The following TENM2 variants were observed in gnomAD, a reference collection of about 807,000 sequenced individuals.
The protein encoded by TENM2 is teneurin-2.
TENM2 carries 52 observed loss-of-function variants against 245.2 expected under a neutral mutation model. The observed-to-expected ratio is 0.21, with a 90% CI of 0.17 to 0.27. The LOEUF is 0.27. Ranked by LOEUF, TENM2 falls within the 10% of genes least tolerant of loss-of-function variation. The pLI, the probability that TENM2 is intolerant of heterozygous loss-of-function variation, is 1.00. For missense variants in TENM2, 3,046 were observed against 3,666.8 expected, an observed-to-expected ratio of 0.83 and a Z score of 4.37; for synonymous variants, 1,363 against 1,438.9, an observed-to-expected ratio of 0.95 and a Z score of 1.19.
chr5:167,729,720 T>C (rs1435409318), intron 2 of TENM2, among the ~76,000 whole-genome samples: 1 of 152,240 alleles, frequency 6.6e-6, no homozygotes, highest in Non-Finnish European at 1.5e-5. Context: ...TTTAGATCTG[T>C]TGGATTTTCT....
At chr5:167,629,554 T>G (rs1778730648) in intron 2 of TENM2, among the ~76,000 whole-genome samples, 1 of 152,126 alleles carries the variant, frequency 6.6e-6, no homozygotes, top group East Asian at 1.9e-4. Context: ...TCATAGAAAA[T>G]CCAGGACTGA....
the TENM2 span, among the ~76,000 whole-genome samples, chr5:167,049,120 A>G: frequency 7.9e-4 from 121 of 152,322 alleles, 1 homozygote; most frequent in African/African-American, 2.8e-3. Context: ...CTTTTAAGCT[A>G]TAGGGCTATC....
At chr5:168,070,815 G>GAA (rs1363624182) in intron 7 of TENM2, among the ~76,000 whole-genome samples, 1 of 131,818 alleles carries the variant, frequency 7.6e-6, no homozygotes, top group African/African-American at 2.8e-5. Context: ...GAGAGAGAGA[G>GAA]AGAGAAAAAA....
chr5:167,860,423 G>T (rs1771670527), intron 2 of TENM2, among the ~76,000 whole-genome samples: 1 of 120,538 alleles, frequency 8.3e-6, no homozygotes. Context: ...GGTGGGGGGG[G>T]GTCAGCCCCC....
intron 2 of TENM2, among the ~76,000 whole-genome samples, chr5:167,504,620 G>C (rs929948136): frequency 2.6e-5 from 4 of 152,198 alleles, no homozygotes; most frequent in African/African-American, 9.6e-5. Context: ...AGACCAGGAA[G>C]AGCTGTGTGG....
At chr5:167,917,685 G>C (rs1254338626) in intron 3 of TENM2, among the ~76,000 whole-genome samples, 2 of 152,142 alleles carry the variant, frequency 1.3e-5, no homozygotes, top group African/African-American at 2.4e-5. Context: ...CCCTGTAACT[G>C]ACACAGTTCT....
intron 3 of TENM2, among the ~76,000 whole-genome samples, chr5:167,924,564 A>T (rs1449902150): frequency 6.6e-6 from 1 of 152,322 alleles, no homozygotes; most frequent in South Asian, 2.1e-4. Context: ...TGAAGAACGC[A>T]TTCATCAAAA....
intron 2 of TENM2, among the ~76,000 whole-genome samples, chr5:167,559,209 C>T (rs1210307778): frequency 6.6e-6 from 1 of 152,316 alleles, no homozygotes; most frequent in African/African-American, 2.4e-5. Flanking sequence ...TTCTCAGCGT[C>T]TCAGCCTTTG....
chr5:167,438,384 G>A (rs1265572951), intron 2 of TENM2, among the ~76,000 whole-genome samples: 1 of 152,146 alleles, frequency 6.6e-6, no homozygotes, highest in East Asian at 1.9e-4. Flanking sequence ...ACAAAATGGT[G>A]TTCTTCTAGG....
chr5:167,030,858 C>G, the TENM2 span, among the ~76,000 whole-genome samples: 7 of 152,158 alleles, frequency 4.6e-5, no homozygotes. Flanking sequence ...ACCTCTTCCT[C>G]CCTCTCACTT....
intron 27 of TENM2, among the ~76,000 whole-genome samples, chr5:168,256,714 C>G (rs1197548958): frequency 6.6e-6 from 1 of 152,170 alleles, no homozygotes; most frequent in East Asian, 1.9e-4. Context: ...CATGAGCCAC[C>G]TCGCCCGGCC....
At chr5:167,329,799 C>G (rs960057139) in intron 1 of TENM2, among the ~76,000 whole-genome samples, 3 of 152,088 alleles carry the variant, frequency 2.0e-5, no homozygotes, top group Non-Finnish European at 2.9e-5. Context: ...ATTATGAGTT[C>G]TTGCTTATAG....
the TENM2 span, among the ~76,000 whole-genome samples, chr5:167,207,612 C>T: frequency 6.6e-6 from 1 of 152,164 alleles, no homozygotes; most frequent in African/African-American, 2.4e-5. Flanking sequence ...GTTTAGAGTC[C>T]TCTCTGTTCC....
chr5:168,146,866 G>C (rs1756131441), intron 12 of TENM2, among the ~76,000 whole-genome samples: 1 of 152,242 alleles, frequency 6.6e-6, no homozygotes, highest in African/African-American at 2.4e-5. Flanking sequence ...TTTGCCCCCA[G>C]GTAGTTGCAA....
At chr5:167,595,829 T>C (rs1776165730) in intron 2 of TENM2, among the ~76,000 whole-genome samples, 1 of 152,304 alleles carries the variant, frequency 6.6e-6, no homozygotes, top group South Asian at 2.1e-4. Flanking sequence ...AGAACAGCCT[T>C]GTGTAAAGCT....
At chr5:167,528,390 T>C (rs1373431639) in intron 2 of TENM2, among the ~76,000 whole-genome samples, 4 of 152,124 alleles carry the variant, frequency 2.6e-5, no homozygotes, top group Non-Finnish European at 5.9e-5. Context: ...GAACAAAGCA[T>C]GGGTACTGCA....
chr5:168,223,076 A>G (rs568400983), intron 23 of TENM2, among the ~76,000 whole-genome samples: 5 of 152,372 alleles, frequency 3.3e-5, no homozygotes, highest in Admixed American at 3.3e-4. Context: ...CTACATCTGA[A>G]GACGTTCCTT....
intron 2 of TENM2, among the ~76,000 whole-genome samples, chr5:167,682,605 T>G (rs546427072): frequency 6.6e-6 from 1 of 152,344 alleles, no homozygotes; most frequent in South Asian, 2.1e-4. Context: ...GTTTCCCTTC[T>G]TTCATAGTAT....
chr5:168,017,051 A>T (rs1056703067), intron 5 of TENM2, among the ~76,000 whole-genome samples: 1 of 152,172 alleles, frequency 6.6e-6, no homozygotes, highest in Non-Finnish European at 1.5e-5. Context: ...GGTCCTTATG[A>T]TCTGCACTGA....
Sources: gnomAD v4.1 joint callset for allele counts (sites outside exome capture counted in the v4.1 genomes callset) on GRCh38, gnomAD v4.1.1 for gene constraint, MANE v1.5 for transcripts, NCBI Gene and HGNC (gene_info 2026-07-23, HGNC 2026-07-21) for gene names.